Variants in KNTC1 observed in about 807,000 individuals in gnomAD.
The protein encoded by KNTC1 is kinetochore-associated protein 1.
Under a neutral mutation model 314.4 loss-of-function variants are expected in KNTC1, and 253 were observed. The observed-to-expected ratio is 0.80, with a 90% CI of 0.73 to 0.89. The LOEUF (loss-of-function observed/expected upper bound fraction) is 0.89, where lower values mean the gene tolerates loss of function less well. Ranked by LOEUF, KNTC1 falls within the 40% of genes least tolerant of loss-of-function variation. The pLI is 0.00. For synonymous variants in KNTC1, 901 were observed against 901.4 expected, an observed-to-expected ratio of 1.00 and a Z score of 0.01; for missense variants, 2,475 against 2,572.9, an observed-to-expected ratio of 0.96 and a Z score of 0.82.
intron 57 of KNTC1, among the ~76,000 whole-genome samples, chr12:122,616,634 A>T (rs542624465): frequency 1.3e-5 from 2 of 152,364 alleles, no homozygotes; most frequent in South Asian, 4.1e-4. Flanking sequence ...TTTTGCACAC[A>T]TAAATGCAAT....
intron 53 of KNTC1, among the ~76,000 whole-genome samples, chr12:122,612,158 C>T (rs1416829764): frequency 4.6e-5 from 7 of 151,540 alleles, no homozygotes; most frequent in Non-Finnish European, 8.8e-5. Flanking sequence ...CTCCGCCTCC[C>T]GGGTTCAAGC....
rs1296866513 is a variant in KNTC1, at chr12:122,584,264, T to A, written c.3264-14T>A. On this transcript the variant is annotated splice_polypyrimidine_tract_variant and intron_variant, in intron 34 of 63. Coordinates refer to ENST00000333479, the MANE Select transcript of KNTC1 (RefSeq NM_014708.6). ...GTGAGTATTCTAACTACCAATACTT[T>A]CTTTCTTCCAAAGCGACTTGTTTAA... 8.8e-6 allele frequency: 14 copies of A among 1,593,422 alleles called. No homozygotes were observed. The highest frequency in any genetic ancestry group is 1.2e-5 in the Non-Finnish European group (14 of 1,165,644).
chr12:122,606,990 A>G (rs377226087), intron 51 of KNTC1, among the ~76,000 whole-genome samples: 8 of 152,166 alleles, frequency 5.3e-5, no homozygotes, highest in African/African-American at 9.7e-5. Context: ...AACGTTTTTT[A>G]TATAAGCAGT....
intron 3 of KNTC1, among the ~76,000 whole-genome samples, chr12:122,536,069 ATT>A (rs753893106): frequency 5.9e-5 from 7 of 118,536 alleles, no homozygotes; most frequent in Non-Finnish European, 5.5e-5. Context: ...AATTTTTTGT[ATT>A]TTTTTTTTTT....
At chr12:122,573,342 A>T in intron 26 of KNTC1, 57 bp downstream of exon 26, 1 of 1,443,384 alleles carries the variant, frequency 6.9e-7, no homozygotes, top group Non-Finnish European at 9.6e-7. Flanking sequence ...GTAGCACTGT[A>T]GTAAATATTT....
intron 10 of KNTC1, 61 bp downstream of exon 10, chr12:122,546,735 G>C: frequency 8.9e-7 from 1 of 1,121,232 alleles, no homozygotes. Context: ...AAAAATGTCA[G>C]ACTTACAAAG....
intron 44 of KNTC1, 40 bp downstream of exon 44, chr12:122,597,978 C>G: frequency 6.8e-7 from 1 of 1,463,348 alleles, no homozygotes. Flanking sequence ...TCTCAGCCAT[C>G]CCTCCCACCC....
chr12:122,597,772 T>G lies in KNTC1; in HGVS notation c.4397T>G (p.Ile1466Ser), dbSNP rs771286904. 1 of 1,613,876 alleles carries G rather than the reference T, an allele frequency of 6.2e-7. No individual in the cohort carries two copies. The highest frequency in any genetic ancestry group is 8.5e-7 in the Non-Finnish European group (1 of 1,179,868). Reference protein sequence around the residue: ...LDCDAVLQLFIETLLHNTNAG... With the variant: ...LDCDAVLQLFSETLLHNTNAG... ...TGCGATGCAGTTCTTCAGCTCTTCA[T>G]TGAAACGCTGCTCCACAACACAAAT... Residue 1466 changes from isoleucine (I) to serine (S), a missense_variant, in exon 44 of 64, where the codon ATT becomes AGT. Transcript: ENST00000333479.
At chr12:122,609,510 T>C (rs942587064) in intron 52 of KNTC1, 80 bp downstream of exon 52, 2 of 953,092 alleles carry the variant, frequency 2.1e-6, no homozygotes, top group Admixed American at 2.9e-5. Context: ...CAGCAGTTGA[T>C]TTTTTTAAAG....
chr12:122,574,264 A>G lies in KNTC1; in HGVS notation c.2284-18A>G, dbSNP rs569864319. 8.4e-5 allele frequency: 123 copies of G among 1,458,720 alleles called. 2 individuals are homozygous for G. In the East Asian group the frequency reaches 2.6e-3, roughly 31 times the overall value. 90.4% of individuals were successfully genotyped at this position (1,458,720 alleles called of 1,614,324 possible). A position where few individuals can be genotyped will look rare whatever the true frequency, so the allele number is the denominator to read the frequency against. On this transcript the variant is annotated intron_variant, in intron 26 of 63. Transcript: ENST00000333479. ...AATTTTTAATTTTTAAAAAACATACATGTTTATCCCTTTTTAGGATTTACT... is the reference window on the plus strand; with the variant it reads ...AATTTTTAATTTTTAAAAAACATACGTGTTTATCCCTTTTTAGGATTTACT...
intron 16 of KNTC1, among the ~76,000 whole-genome samples, chr12:122,556,994 G>A (rs1298123537): frequency 7.0e-6 from 1 of 142,088 alleles, no homozygotes; most frequent in African/African-American, 2.7e-5. Context: ...GGGCTCAAAT[G>A]GTTGTCCTGC....
At chr12:122,536,077 T>A (rs1961795714) in intron 3 of KNTC1, among the ~76,000 whole-genome samples, 1 of 150,064 alleles carries the variant, frequency 6.7e-6, no homozygotes, top group South Asian at 2.1e-4. Context: ...GTATTTTTTT[T>A]TTTTTTTAGT....
rs533682868 is a variant in KNTC1 at position 122,573,214 on chromosome 12, G to A, written c.2212G>A (p.Glu738Lys). Reference protein sequence around the residue: ...LAPELIPSILEKFIRVYMREH... With the variant: ...LAPELIPSILKKFIRVYMREH... ...CCCAGAGCTTATTCCCTCCATCTTAGAGAAGTTTATAAGAGTTTACATGAG... is the reference window on the plus strand; with the variant it reads ...CCCAGAGCTTATTCCCTCCATCTTAAAGAAGTTTATAAGAGTTTACATGAG... Residue 738 changes from glutamate to lysine, a missense_variant, in exon 26 of 64, where the codon GAG becomes AAG. Coordinates refer to ENST00000333479, the MANE Select transcript of KNTC1 (RefSeq NM_014708.6). The A allele has an allele frequency of 6.8e-6, 11 of 1,613,720 alleles. No individual in the cohort carries two copies. In the South Asian group the frequency reaches 1.1e-4, roughly 16 times the overall value.
At chr12:122,565,886 A>T (rs181969763) in intron 20 of KNTC1, among the ~76,000 whole-genome samples, 108 of 152,214 alleles carry the variant, frequency 7.1e-4, no homozygotes, top group African/African-American at 2.6e-3. Context: ...CTCGCCTCAA[A>T]AAATAAATAA....
intron 4 of KNTC1, 81 bp downstream of exon 4, chr12:122,538,535 A>G: frequency 1.3e-6 from 1 of 766,480 alleles, no homozygotes; most frequent in Non-Finnish European, 2.1e-6. Flanking sequence ...GCAAACTATT[A>G]CTTAACATGT....
chr12:122,564,937 A>ATAC (rs1964211462), intron 20 of KNTC1, among the ~76,000 whole-genome samples: 1 of 152,182 alleles, frequency 6.6e-6, no homozygotes, highest in African/African-American at 2.4e-5. Context: ...ATGGAAGTAT[A>ATAC]TCTGTGGATT....
intron 11 of KNTC1, 49 bp downstream of exon 11, chr12:122,547,579 G>C (rs1376220262): frequency 5.3e-6 from 6 of 1,126,796 alleles, no homozygotes; most frequent in Admixed American, 1.9e-5. Flanking sequence ...TTAGTACCAG[G>C]TATCTTGTCT....
At chr12:122,556,524 T>C (rs12230600) in intron 16 of KNTC1, among the ~76,000 whole-genome samples, 31,838 of 146,050 alleles carry the variant, frequency 0.22, 3,765 homozygotes, top group East Asian at 0.45. Context: ...CTTTCTCTGT[T>C]GTGCAGTGGC....
intron 16 of KNTC1, among the ~76,000 whole-genome samples, chr12:122,554,097 A>ATATT (rs1963413115): frequency 7.0e-6 from 1 of 143,106 alleles, no homozygotes; most frequent in South Asian, 2.1e-4. Context: ...ATATATATAT[A>ATATT]TATTTGTATT....
Sources: gnomAD v4.1 joint callset for allele counts (sites outside exome capture counted in the v4.1 genomes callset) on GRCh38, gnomAD v4.1.1 for gene constraint, MANE v1.5 for transcripts, NCBI Gene and HGNC (gene_info 2026-07-23, HGNC 2026-07-21) for gene names.